The following ATP6V0D1 variants were observed in gnomAD, a reference collection of about 807,000 sequenced individuals.
ATP6V0D1 encodes the protein V-type proton ATPase subunit d 1.
Under a neutral mutation model 39.0 loss-of-function variants are expected in ATP6V0D1, and 13 were observed. That is an observed-to-expected ratio of 0.33 (90% confidence interval 0.22 to 0.53). ATP6V0D1 has a LOEUF of 0.53. Among genes scored for constraint, ATP6V0D1 ranks in the 20% least tolerant of loss-of-function variants. The probability of loss-of-function intolerance (pLI) is 0.94; values close to 1 mark genes in which losing one functional copy is unlikely to be tolerated. For missense variants in ATP6V0D1, 272 were observed against 470.9 expected (o/e 0.58, Z 3.91); for synonymous variants, 191 against 191.2 (o/e 1.00, Z 0.01).
intron 1 of ATP6V0D1, among the ~76,000 whole-genome samples, chr16:67,466,717 A>G (rs1293464053): frequency 6.6e-6 from 1 of 152,118 alleles, no homozygotes; most frequent in African/African-American, 2.4e-5. Context: ...CATGGTTTGC[A>G]GCCTAGGTGG....
At position 67,438,986 on chromosome 16, in the gene ATP6V0D1, C is replaced by T; in HGVS notation, c.801G>A (p.Val267=). The T allele has an allele frequency of 6.2e-7, 1 of 1,613,932 alleles. No homozygotes were observed. The highest frequency in any genetic ancestry group is 8.5e-7 in the Non-Finnish European group (1 of 1,179,914). Residue 267 remains valine, a synonymous_variant, in exon 6 of 8, where the codon GTG becomes GTA. Coordinates refer to ENST00000290949, the MANE Select transcript of ATP6V0D1 (RefSeq NM_004691.5). ...RADDYEQVKN[V]ADYYPEYKLL... is the part of the protein sequence containing the mutation. ...GGGCACTCACCGGGTAGTAATCGGC[C>T]ACGTTCTTGACCTGTTCATAGTCGT...
intron 1 of ATP6V0D1, chr16:67,457,488 G>A: frequency 2.0e-6 from 2 of 997,290 alleles, no homozygotes; most frequent in Non-Finnish European, 2.7e-6. Flanking sequence ...GCTGGCAGGT[G>A]GTGGCAGAGG....
intron 1 of ATP6V0D1, among the ~76,000 whole-genome samples, chr16:67,472,875 T>A (rs1424675425): frequency 1.3e-5 from 2 of 151,758 alleles, no homozygotes; most frequent in Non-Finnish European, 2.9e-5. Flanking sequence ...CTCAAAAAAA[T>A]ATATATATAT....
At chr16:67,452,194 C>G (rs920839861) in intron 2 of ATP6V0D1, 1 of 1,529,716 alleles carries the variant, frequency 6.5e-7, no homozygotes, top group South Asian at 1.2e-5. Context: ...ACAAGAGACA[C>G]CCCATTACCA....
Position 67,445,808 on chromosome 16 carries a change from T to C in ATP6V0D1, c.303-1102A>G. The C allele has an allele frequency of 7.3e-6, 3 of 412,234 alleles. 1 individual carries two copies. The highest frequency in any genetic ancestry group is 5.3e-5 in the South Asian group (3 of 56,928). 25.5% of individuals were successfully genotyped at this position (412,234 alleles called of 1,614,324 possible). A position where few individuals can be genotyped will look rare whatever the true frequency, so the allele number is the denominator to read the frequency against. The stretch of plus-strand genomic sequence containing the variant: ...GGCTGGGGCAGAGAGTTCTGTGTAG[T>C]CACCTGTGTGGGGATGCAGTGAAGG... On this transcript the variant is annotated intron_variant, in intron 2 of 7. Coordinates refer to ENST00000290949, the MANE Select transcript of ATP6V0D1 (RefSeq NM_004691.5).
intron 1 of ATP6V0D1, among the ~76,000 whole-genome samples, chr16:67,467,907 T>C (rs2041342944): frequency 6.6e-6 from 1 of 152,208 alleles, no homozygotes; most frequent in African/African-American, 2.4e-5. Flanking sequence ...CCTGGTGCTA[T>C]AGCAGGCATC....
At chr16:67,442,339 G>A (rs1056491180) in intron 4 of ATP6V0D1, among the ~76,000 whole-genome samples, 3 of 152,220 alleles carry the variant, frequency 2.0e-5, no homozygotes, top group Admixed American at 6.5e-5. Context: ...TGCCCACTGC[G>A]GATCCATGTT....
chr16:67,479,671 G>T (rs1343116863), intron 1 of ATP6V0D1, among the ~76,000 whole-genome samples: 3 of 152,098 alleles, frequency 2.0e-5, no homozygotes. Flanking sequence ...ACCTCACGAA[G>T]TTTCTGACGA....
In ATP6V0D1 at chr16:67,438,609, C is replaced by T; in HGVS notation, c.975G>A (p.Glu325=). The change falls in exon 8 of 8, where the codon GAG becomes GAA. Residue 325 remains glutamate, a synonymous_variant. Coordinates refer to ENST00000290949, the MANE Select transcript of ATP6V0D1 (RefSeq NM_004691.5). ...FYAFVKLKEQ[E]CRNIVWIAEC... ...CAGCGATCCACACGATGTTGCGACA[C>T]TCCTGCTCCTTGAGCTTCACGAAGG... The T allele has an allele frequency of 6.2e-7, 1 of 1,614,278 alleles. No homozygotes were observed. The highest frequency in any genetic ancestry group is 1.1e-5 in the South Asian group (1 of 91,090).
At chr16:67,475,452 A>ACAGCCAGCACAT (rs1360174963) in intron 1 of ATP6V0D1, among the ~76,000 whole-genome samples, 1 of 152,256 alleles carries the variant, frequency 6.6e-6, no homozygotes, top group Non-Finnish European at 1.5e-5. Flanking sequence ...GTTCTGGACA[A>ACAGCCAGCACAT]CAGCCAGCAC....
At chr16:67,451,231 G>T (rs1195100704) in intron 2 of ATP6V0D1, among the ~76,000 whole-genome samples, 1 of 152,176 alleles carries the variant, frequency 6.6e-6, no homozygotes, top group Non-Finnish European at 1.5e-5. Context: ...GAGGCTGCTG[G>T]GATTCCTCCA....
chr16:67,469,923 T>G (rs1016387912), intron 1 of ATP6V0D1, among the ~76,000 whole-genome samples: 2 of 152,304 alleles, frequency 1.3e-5, no homozygotes, highest in East Asian at 1.9e-4. Context: ...TCCAAAAACA[T>G]GCATATATGT....
At chr16:67,449,483 TAAC>T (rs1174733553) in intron 2 of ATP6V0D1, among the ~76,000 whole-genome samples, 14 of 152,352 alleles carry the variant, frequency 9.2e-5, no homozygotes, top group South Asian at 2.1e-4. Flanking sequence ...CATGGTGACA[TAAC>T]AACATGTTAG....
At chr16:67,479,339 G>C (rs750348338) in intron 1 of ATP6V0D1, among the ~76,000 whole-genome samples, 4 of 151,022 alleles carry the variant, frequency 2.6e-5, no homozygotes, top group African/African-American at 4.9e-5. Flanking sequence ...TCAGTCTCCC[G>C]AGTAGCTGGG....
At position 67,453,686 on chromosome 16, in the gene ATP6V0D1, A is replaced by C. The variant is rs766146150; in HGVS notation, c.160T>G (p.Tyr54Asp). 3 of 1,614,074 alleles carry C rather than the reference A, an allele frequency of 1.9e-6. No homozygotes were observed. Among genetic ancestry groups the C allele is most frequent in the Non-Finnish European group, 2.5e-6 (3 of 1,180,018 alleles). Residue 54 changes from tyrosine to aspartate, a missense_variant, in exon 2 of 8, where the codon TAT (tyrosine) becomes GAT (aspartate). Around this residue, in one of 4 missense-constraint regions of ATP6V0D1, gnomAD observed 81 missense variants for 96.0 expected, o/e 0.84. Transcript: ENST00000290949. This position sits in a 1 kb window ranked among gnomAD's most constrained non-coding sequence, Gnocchi z 4.1. ...DLKLHLQSTDYGNFLANEASP... is the reference protein window; with the variant it reads ...DLKLHLQSTDDGNFLANEASP... ...GCCTCGTTGGCCAGGAAGTTACCAT[A>C]ATCAGTGCTCTGCAGATGCAGTTTC...
rs367983281 is a variant in ATP6V0D1, at chr16:67,438,490, C to T, written c.*38G>A. 8.1e-6 allele frequency: 13 copies of T among 1,610,530 alleles called. No individual in the cohort carries two copies. The highest frequency in any genetic ancestry group is 1.1e-5 in the Non-Finnish European group (13 of 1,178,128). ...ACACACGCGCACACACACACACACA[C>T]ACACAAAGAGTGCAATTGAGAGCCT... On this transcript the variant is annotated 3_prime_UTR_variant, in exon 8 of 8. Transcript: ENST00000290949.
In ATP6V0D1 at chr16:67,453,515, GAGA is replaced by G. The variant is rs1216159186; in HGVS notation, c.302+26_302+28del. 2.5e-6 allele frequency: 4 copies of G among 1,611,360 alleles called. No individual in the cohort carries two copies. In the Admixed American group the frequency reaches 6.7e-5, roughly 27 times the overall value. On this transcript the variant is annotated intron_variant, in intron 2 of 7. Coordinates refer to ENST00000290949, the MANE Select transcript of ATP6V0D1 (RefSeq NM_004691.5). This position sits in a 1 kb window ranked among gnomAD's most constrained non-coding sequence, Gnocchi z 4.1. ...AGGTGTAGCTATCCTGCCCAGGTAA[GAGA>G]AGAAGGCGCTACAAAGCACACTCAC...
At chr16:67,463,754 G>A (rs1003721433) in intron 1 of ATP6V0D1, among the ~76,000 whole-genome samples, 10 of 152,168 alleles carry the variant, frequency 6.6e-5, no homozygotes, top group African/African-American at 2.4e-4. Flanking sequence ...GCACCCCCAG[G>A]ACCCCACCCA....
chr16:67,461,607 AGGTG>A (rs1315837107), intron 1 of ATP6V0D1, among the ~76,000 whole-genome samples: 1 of 152,216 alleles, frequency 6.6e-6, no homozygotes. Context: ...ACTAGGTTTC[AGGTG>A]GCTAAGGCAG....
Sources: allele counts gnomAD v4.1 joint callset (sites outside exome capture counted in the v4.1 genomes callset), GRCh38; gene constraint gnomAD v4.1.1; regional missense constraint gnomAD v4.1.1; non-coding constraint Gnocchi (gnomAD v3.1); transcripts MANE v1.5; gene names NCBI Gene and HGNC (gene_info 2026-07-23, HGNC 2026-07-21).